POLN: variants seen among roughly 807,000 people sequenced by gnomAD.
POLN encodes the protein DNA polymerase N.
Under a neutral mutation model 113.5 loss-of-function variants are expected in POLN, and 108 were observed. That is an observed-to-expected ratio of 0.95 (90% CI 0.81 to 1.12). The LOEUF (loss-of-function observed/expected upper bound fraction) is 1.12. Among genes scored for constraint, POLN ranks in the 50% most tolerant of loss-of-function variants. POLN has a pLI of 0.00. For synonymous variants in POLN, 386 were observed against 391.5 expected (o/e 0.99, Z 0.17); for missense variants, 1,097 against 1,077.1 (o/e 1.02, Z -0.26).
chr4:2,121,434 CAAAAA>C (rs869279379), intron 19 of POLN, among the ~76,000 whole-genome samples: 1 of 139,446 alleles, frequency 7.2e-6, no homozygotes, highest in East Asian at 2.1e-4. Context: ...GACTCTGTCT[CAAAAA>C]AAAAAAAAAA....
chr4:2,214,194 C>T (rs1420630260), intron 3 of POLN, among the ~76,000 whole-genome samples: 3 of 151,928 alleles, frequency 2.0e-5, no homozygotes, highest in Non-Finnish European at 1.5e-5. Context: ...CGAGATTGCG[C>T]CACTGCACTC....
At chr4:2,192,884 T>C (rs543357724) in intron 7 of POLN, among the ~76,000 whole-genome samples, 3 of 151,980 alleles carry the variant, frequency 2.0e-5, no homozygotes, top group East Asian at 1.9e-4. Context: ...TTGATGTTAA[T>C]TACTCTGGAC....
At chr4:2,150,105 A>C (rs1055343063) in intron 16 of POLN, among the ~76,000 whole-genome samples, 3 of 152,038 alleles carry the variant, frequency 2.0e-5, no homozygotes, top group Admixed American at 1.3e-4. Flanking sequence ...AAAAACAAAA[A>C]ACAAAAAACA....
chr4:2,171,110 G>C lies in POLN; in HGVS notation c.1446C>G (p.Asn482Lys). ...AGERFLITSN[N>K]QLREILFGKL... ...AATTCAGCTTTACCTCTCGAAGCTG[G>C]TTATTGCTCGTTATAAGAAACCGTT... The change falls in exon 12 of 26, where the codon AAC becomes AAG. Residue 482 changes from asparagine (N) to lysine (K), a missense_variant. Asn to Lys is a moderately conservative substitution (Grantham distance 94). Coordinates refer to ENST00000511885, the MANE Select transcript of POLN (RefSeq NM_181808.4). 6.2e-7 allele frequency: 1 copy of C among 1,612,810 alleles called. No individual in the cohort carries two copies. Among genetic ancestry groups the C allele is most frequent in the Non-Finnish European group, 8.5e-7 (1 of 1,179,624 alleles).
intron 3 of POLN, among the ~76,000 whole-genome samples, chr4:2,213,348 AATC>A (rs1242060845): frequency 4.6e-5 from 7 of 152,212 alleles, no homozygotes; most frequent in Non-Finnish European, 8.8e-5. Context: ...AACTCTATAT[AATC>A]ATAAAACATT....
intron 21 of POLN, among the ~76,000 whole-genome samples, chr4:2,082,353 C>T (rs1392130747): frequency 6.6e-6 from 1 of 152,116 alleles, no homozygotes; most frequent in Non-Finnish European, 1.5e-5. Context: ...CATGTGGAGG[C>T]CTTGGGCCCA....
chr4:2,081,412 C>A, intron 22 of POLN: 1 of 621,244 alleles, frequency 1.6e-6, no homozygotes, highest in Non-Finnish European at 2.8e-6. Flanking sequence ...CCAGTTCTTG[C>A]GGGAATCATC....
In POLN at chr4:2,208,347, T is replaced by G; in HGVS notation, c.354A>C (p.Leu118Phe). ...SISSLTLSSC[L>F]IPQYNQEASV... The stretch of plus-strand genomic sequence containing the variant: ...AAGCCTCTTGATTATACTGTGGAAT[T>G]AAACAACTTGAAAGAGTCAATGAGC... Residue 118 changes from leucine to phenylalanine, a missense_variant, in exon 5 of 26, where the codon TTA becomes TTC. Transcript: ENST00000511885. The G allele has an allele frequency of 6.2e-7, 1 of 1,613,502 alleles. No homozygotes were observed. Among genetic ancestry groups the G allele is most frequent in the Non-Finnish European group, 8.5e-7 (1 of 1,179,864 alleles).
At position 2,080,375 on chromosome 4, in the gene POLN, C is replaced by G. The variant is rs1024841295; in HGVS notation, c.2387+583G>C. Reference sequence around the variant, plus strand: ...GGGGCAGCCAGGGCGGAGCCCCCCCCCACCAAGGCACATCTGCATGTTGGC... The same window carrying G: ...GGGGCAGCCAGGGCGGAGCCCCCCCGCACCAAGGCACATCTGCATGTTGGC... On this transcript the variant is annotated intron_variant, in intron 23 of 25. Transcript: ENST00000511885. 1.3e-5 allele frequency: 13 copies of G among 1,020,434 alleles called. No individual in the cohort carries two copies. In the South Asian group the frequency reaches 3.2e-4, roughly 25 times the overall value. The allele number at this position is 1,020,434 out of a possible 1,614,324, so 63.2% of individuals were successfully genotyped here.
At position 2,089,797 on chromosome 4, in the gene POLN, G is replaced by C. The variant is rs914872879; in HGVS notation, c.2066-4053C>G. ...TTCTTTGAATGCAGAATCATCTTTG[G>C]AAGCACATTCAGATGGATGAAGTCT... On this transcript the variant is annotated intron_variant, in intron 20 of 25. Transcript: ENST00000511885. The C allele has an allele frequency of 1.0e-5, 8 of 777,092 alleles. No homozygotes were observed. In the African/African-American group the frequency reaches 1.2e-4, roughly 12 times the overall value. 48.1% of individuals were successfully genotyped at this position (777,092 alleles called of 1,614,324 possible). A position where few individuals can be genotyped will look rare whatever the true frequency, so the allele number is the denominator to read the frequency against.
chr4:2,072,754 G>A (rs924805689), intron 25 of POLN, among the ~76,000 whole-genome samples: 1 of 152,228 alleles, frequency 6.6e-6, no homozygotes, highest in African/African-American at 2.4e-5. Context: ...GAGGGGTCCA[G>A]CCCCGGCTGC....
chr4:2,151,984 A>C (rs938858100), intron 16 of POLN, among the ~76,000 whole-genome samples: 1 of 151,936 alleles, frequency 6.6e-6, no homozygotes, highest in Non-Finnish European at 1.5e-5. Context: ...CTTTCTGAAA[A>C]TACTGAGAAC....
intron 4 of POLN, among the ~76,000 whole-genome samples, chr4:2,210,009 A>G (rs956561523): frequency 6.8e-6 from 1 of 146,488 alleles, no homozygotes; most frequent in Non-Finnish European, 1.5e-5. Flanking sequence ...AATTTACTTT[A>G]TATATATATA....
chr4:2,211,555 C>T (rs1304460737), intron 4 of POLN, among the ~76,000 whole-genome samples: 4 of 151,914 alleles, frequency 2.6e-5, no homozygotes, highest in African/African-American at 4.8e-5. Flanking sequence ...GTGGGAGGAT[C>T]GCTTGAGCCC....
At chr4:2,149,085 G>A (rs1006842812) in intron 16 of POLN, among the ~76,000 whole-genome samples, 10 of 152,224 alleles carry the variant, frequency 6.6e-5, no homozygotes, top group African/African-American at 1.4e-4. Context: ...CTTGAGCTTA[G>A]GAGTTCAAGA....
At chr4:2,074,893 A>G (rs1185295743) in intron 24 of POLN, among the ~76,000 whole-genome samples, 2 of 152,116 alleles carry the variant, frequency 1.3e-5, no homozygotes, top group Non-Finnish European at 2.9e-5. Flanking sequence ...AGAGAGAAAG[A>G]ACCCCTTGGG....
At chr4:2,174,064 T>C (rs2022343) in intron 10 of POLN, 45 bp from the exon 11 acceptor site, 221,065 of 1,583,670 alleles carry the variant, frequency 0.14, 24,135 homozygotes, top group African/African-American at 0.52. Context: ...ATTAATGTAT[T>C]CTTTTTACTA....
chr4:2,217,681 TCTAG>T (rs1734145273), intron 3 of POLN, among the ~76,000 whole-genome samples: 1 of 152,212 alleles, frequency 6.6e-6, no homozygotes, highest in Non-Finnish European at 1.5e-5. Flanking sequence ...GCTCCAGAGT[TCTAG>T]GAGTCTGCAT....
chr4:2,222,406 A>G (rs79611985), intron 3 of POLN, among the ~76,000 whole-genome samples: 1 of 152,026 alleles, frequency 6.6e-6, no homozygotes, highest in Non-Finnish European at 1.5e-5. Flanking sequence ...CAAAAAAAAA[A>G]CTAGCCGGGC....
Sources: gnomAD v4.1 joint callset for allele counts (sites outside exome capture counted in the v4.1 genomes callset) on GRCh38, gnomAD v4.1.1 for gene constraint, MANE v1.5 for transcripts, NCBI Gene and HGNC (gene_info 2026-07-23, HGNC 2026-07-21) for gene names.